SPMIP7: variants seen among roughly 807,000 people sequenced by gnomAD.
SPMIP7 encodes the protein sperm microtubule inner protein 7.
chr7:50,110,569 A>C, the SPMIP7 span, among the ~76,000 whole-genome samples: 2 of 142,902 alleles, frequency 1.4e-5, no homozygotes, highest in Non-Finnish European at 3.0e-5. Context: ...ATTTATATAT[A>C]ATATTTACTA....
chr7:50,148,716 C>T, the SPMIP7 span, among the ~76,000 whole-genome samples: 10 of 152,214 alleles, frequency 6.6e-5, no homozygotes, highest in Non-Finnish European at 8.8e-5. Flanking sequence ...CTTCAGTTCA[C>T]TCACCTAGGT....
At chr7:50,117,382 G>A in the SPMIP7 span, 50 of 359,558 alleles carry the variant, frequency 1.4e-4, no homozygotes, top group East Asian at 3.1e-3. Flanking sequence ...CATCTGAGCC[G>A]CTTTTAAGAC....
chr7:50,156,085 T>C, the SPMIP7 span, among the ~76,000 whole-genome samples: 2 of 152,216 alleles, frequency 1.3e-5, no homozygotes, highest in Admixed American at 1.3e-4. Flanking sequence ...TGAAAAAGCA[T>C]GGTGCGGAGG....
chr7:50,105,461 G>T, the SPMIP7 span, among the ~76,000 whole-genome samples: 1 of 152,152 alleles, frequency 6.6e-6, no homozygotes, highest in Non-Finnish European at 1.5e-5. Context: ...ATAGTGCCAT[G>T]TTGATTTCTT....
the SPMIP7 span, among the ~76,000 whole-genome samples, chr7:50,101,617 G>A: frequency 1.3e-5 from 2 of 152,178 alleles, no homozygotes; most frequent in Non-Finnish European, 2.9e-5. Flanking sequence ...TCATCGTCCA[G>A]AGTCCTTTCT....
the SPMIP7 span, among the ~76,000 whole-genome samples, chr7:50,124,288 C>G: frequency 6.6e-6 from 1 of 152,098 alleles, no homozygotes; most frequent in Admixed American, 6.6e-5. Flanking sequence ...TTCCACTGAT[C>G]ACCTTAGGGG....
chr7:50,100,864 G>A, the SPMIP7 span, among the ~76,000 whole-genome samples: 83 of 78,346 alleles, frequency 1.1e-3, no homozygotes, highest in African/African-American at 3.2e-3. Context: ...AAATAAAATC[G>A]TTTTTCTCAA....
the SPMIP7 span, chr7:50,142,630 C>G: frequency 6.6e-6 from 1 of 152,090 alleles, no homozygotes; most frequent in Non-Finnish European, 1.5e-5. Context: ...TATTTATAGA[C>G]ACAGAAAGAT....
chr7:50,114,421 A>G, the SPMIP7 span, among the ~76,000 whole-genome samples: 1 of 152,152 alleles, frequency 6.6e-6, no homozygotes, highest in South Asian at 2.1e-4. Context: ...CTATTTTTGA[A>G]ATGATATATT....
chr7:50,105,965 C>G, the SPMIP7 span, among the ~76,000 whole-genome samples: 3 of 152,136 alleles, frequency 2.0e-5, no homozygotes, highest in Non-Finnish European at 4.4e-5. Context: ...AGATTCCATG[C>G]TTTAACTATT....
At chr7:50,139,130 C>A in the SPMIP7 span, among the ~76,000 whole-genome samples, 1 of 151,972 alleles carries the variant, frequency 6.6e-6, no homozygotes, top group East Asian at 1.9e-4. Context: ...GCAGGCAGAT[C>A]ACGAGGTCAG....
the SPMIP7 span, chr7:50,104,215 G>T: frequency 2.2e-6 from 1 of 446,054 alleles, no homozygotes; most frequent in South Asian, 5.3e-5. Context: ...AATGAATTAC[G>T]ATCACACAGT....
chr7:50,123,790 T>C, the SPMIP7 span, among the ~76,000 whole-genome samples: 1 of 140,706 alleles, frequency 7.1e-6, no homozygotes, highest in Non-Finnish European at 1.7e-5. Context: ...TTTAAATAAT[T>C]CCCAAAAAGA....
the SPMIP7 span, among the ~76,000 whole-genome samples, chr7:50,158,154 C>G: frequency 6.6e-6 from 1 of 151,250 alleles, no homozygotes; most frequent in Non-Finnish European, 1.5e-5. Context: ...GGGTGAGGCC[C>G]AGGACCCCCA....
At chr7:50,120,375 T>G in the SPMIP7 span, 6 of 152,110 alleles carry the variant, frequency 3.9e-5, no homozygotes, top group Non-Finnish European at 8.8e-5. Context: ...TTCCAGGGTT[T>G]AAATGGGAAG....
At chr7:50,145,573 T>C in the SPMIP7 span, among the ~76,000 whole-genome samples, 1 of 41,026 alleles carries the variant, frequency 2.4e-5, no homozygotes, top group Non-Finnish European at 4.7e-5. Flanking sequence ...TATATATGTA[T>C]ATATATATAT....
At chr7:50,116,944 G>T in the SPMIP7 span, among the ~76,000 whole-genome samples, 1 of 152,156 alleles carries the variant, frequency 6.6e-6, no homozygotes, top group Non-Finnish European at 1.5e-5. Context: ...TTCTCCTCTT[G>T]CCTGAGAGAA....
At chr7:50,141,470 T>C in the SPMIP7 span, 2 of 868,192 alleles carry the variant, frequency 2.3e-6, no homozygotes, top group South Asian at 3.0e-5. Flanking sequence ...AATGAAGGAA[T>C]TTAAACGTGG....
the SPMIP7 span, among the ~76,000 whole-genome samples, chr7:50,116,727 G>A: frequency 6.6e-6 from 1 of 152,084 alleles, no homozygotes; most frequent in African/African-American, 2.4e-5. Flanking sequence ...ATTTTTGTGG[G>A]ATTTTGAAAA....
Sources: gnomAD v4.1 joint callset for allele counts (sites outside exome capture counted in the v4.1 genomes callset) on GRCh38, gnomAD v4.1.1 for gene constraint, MANE v1.5 for transcripts, NCBI Gene and HGNC (gene_info 2026-07-23, HGNC 2026-07-21) for gene names.